Variants in SYT1 observed in about 807,000 individuals in gnomAD.
SYT1 encodes synaptotagmin-1.
Under a neutral mutation model 44.8 loss-of-function variants are expected in SYT1, and 8 were observed. That is an observed-to-expected ratio of 0.18 (90% CI 0.10 to 0.32). The LOEUF is 0.32. Ranked by LOEUF, SYT1 falls within the 10% of genes least tolerant of loss-of-function variation. SYT1 has a pLI of 1.00. For synonymous variants in SYT1, 154 were observed against 188.8 expected (o/e 0.82, Z 1.51); for missense variants, 286 against 509.3 (o/e 0.56, Z 4.22).
chr12:79,226,821 A>G (rs1462040095), intron 4 of SYT1, among the ~76,000 whole-genome samples: 3 of 152,164 alleles, frequency 2.0e-5, no homozygotes, highest in Admixed American at 1.3e-4. Context: ...TCCTGCCTAT[A>G]TAATTGACAT....
chr12:79,139,974 C>G (rs984598899), intron 3 of SYT1, among the ~76,000 whole-genome samples: 4 of 152,088 alleles, frequency 2.6e-5, no homozygotes, highest in Admixed American at 6.6e-5. Context: ...ATAGAAAGTC[C>G]CTGATTTATT....
chr12:79,333,091 T>C (rs962576105), intron 8 of SYT1, among the ~76,000 whole-genome samples: 1 of 152,182 alleles, frequency 6.6e-6, no homozygotes, highest in African/African-American at 2.4e-5. Flanking sequence ...TGGCCATAGT[T>C]ATCATTAGGT....
chr12:79,216,173 C>T (rs1170989280), intron 3 of SYT1, among the ~76,000 whole-genome samples: 1 of 151,822 alleles, frequency 6.6e-6, no homozygotes, highest in Admixed American at 6.6e-5. Flanking sequence ...TCAAGTGATC[C>T]GCCTGCCTCG....
chr12:79,272,591 G>A (rs1169639244), intron 4 of SYT1, among the ~76,000 whole-genome samples: 1 of 152,154 alleles, frequency 6.6e-6, no homozygotes, highest in Non-Finnish European at 1.5e-5. Context: ...GATAAAGGAT[G>A]CACAAAGCAT....
At chr12:78,949,999 C>T (rs543372585) in intron 1 of SYT1, among the ~76,000 whole-genome samples, 249 of 151,900 alleles carry the variant, frequency 1.6e-3, no homozygotes, top group African/African-American at 5.6e-3. Context: ...AATATTTTAG[C>T]ATTTTTCTGT....
In SYT1 at chr12:79,376,698, A is replaced by G. The variant is rs549373056; in HGVS notation, c.928+23079A>G. ...CACACACATCTGACATAAATGGGCA[A>G]TTTTCTAGTTTACATTGCAGTGAGC... On this transcript the variant is annotated intron_variant, in intron 9 of 10. Transcript: ENST00000261205. Among the ~76,000 whole-genome samples, 14 of 152,262 alleles carry G rather than the reference A, an allele frequency of 9.2e-5. 1 individual carries two copies. Among genetic ancestry groups the G allele is most frequent in the East Asian group, 7.7e-4 (4 of 5,188 alleles).
At chr12:79,145,429 C>T (rs1869818130) in intron 3 of SYT1, among the ~76,000 whole-genome samples, 1 of 151,882 alleles carries the variant, frequency 6.6e-6, no homozygotes, top group Non-Finnish European at 1.5e-5. Context: ...TTATTTTTAT[C>T]TGATTCTTTC....
chr12:79,413,337 G>A (rs1335611518), intron 9 of SYT1, among the ~76,000 whole-genome samples: 1 of 152,168 alleles, frequency 6.6e-6, no homozygotes, highest in Admixed American at 6.5e-5. Context: ...CTGTAGAGTG[G>A]CAAGTGAAAA....
intron 3 of SYT1, among the ~76,000 whole-genome samples, chr12:79,163,947 G>C (rs1871099875): frequency 6.6e-6 from 1 of 151,974 alleles, no homozygotes; most frequent in African/African-American, 2.4e-5. Flanking sequence ...CAGGCTGTTG[G>C]TAGGATATTG....
At chr12:78,896,738 A>G (rs1875379831) in intron 1 of SYT1, among the ~76,000 whole-genome samples, 2 of 151,832 alleles carry the variant, frequency 1.3e-5, no homozygotes, top group Admixed American at 1.3e-4. Context: ...ACTACAAAAT[A>G]TGATATATCT....
At chr12:79,253,386 T>G (rs1474805165) in intron 4 of SYT1, among the ~76,000 whole-genome samples, 1 of 152,102 alleles carries the variant, frequency 6.6e-6, no homozygotes, top group Admixed American at 6.5e-5. Context: ...GTTACTATTG[T>G]AATTGGGGGC....
chr12:79,086,514 T>G (rs926561993), intron 3 of SYT1, among the ~76,000 whole-genome samples: 3 of 152,206 alleles, frequency 2.0e-5, no homozygotes, highest in African/African-American at 7.2e-5. Flanking sequence ...AGAAGTTTAG[T>G]ATTCCCTTTT....
chr12:78,951,366 A>T (rs1418308364), intron 1 of SYT1, among the ~76,000 whole-genome samples: 1 of 152,150 alleles, frequency 6.6e-6, no homozygotes, highest in African/African-American at 2.4e-5. Context: ...CAAATTACAC[A>T]TAGAATCAAT....
At chr12:79,347,041 C>CTTTTT (rs59524429) in intron 8 of SYT1, among the ~76,000 whole-genome samples, 1 of 125,944 alleles carries the variant, frequency 7.9e-6, no homozygotes, top group East Asian at 2.3e-4. Context: ...TTTGTTTTTT[C>CTTTTT]TTTTTTTTTT....
chr12:78,924,990 A>G (rs1173973900), intron 1 of SYT1, among the ~76,000 whole-genome samples: 2 of 151,900 alleles, frequency 1.3e-5, no homozygotes, highest in Non-Finnish European at 2.9e-5. Flanking sequence ...GACTTGAAAT[A>G]TTCATGAATG....
chr12:79,038,412 G>A (rs2137706726), intron 2 of SYT1, among the ~76,000 whole-genome samples: 1 of 151,782 alleles, frequency 6.6e-6, no homozygotes, highest in East Asian at 1.9e-4. Context: ...ATCATGCAGT[G>A]AATTTAGTTG....
At chr12:79,026,687 ATATATATATATAT>A (rs1565769720) in intron 2 of SYT1, among the ~76,000 whole-genome samples, 8 of 138,406 alleles carry the variant, frequency 5.8e-5, no homozygotes, top group African/African-American at 1.6e-4. Context: ...ATATATATAT[ATATATATATATAT>A]ATCACACTTT....
Position 79,401,065 on chromosome 12 carries a change from A to G in SYT1, c.929-43008A>G, listed in dbSNP as rs73354798. 6.2e-3 allele frequency among the ~76,000 whole-genome samples: 948 copies of G among 152,326 alleles called. 10 individuals carry two copies. The highest frequency in any genetic ancestry group is 0.022 in the African/African-American group (904 of 41,562). ...TCTATGGCCCATCTGTAAGGTGGAC[A>G]TAATGCTGCCTGGCTAATCTGCCTT... On this transcript the variant is annotated intron_variant, in intron 9 of 10. Coordinates refer to ENST00000261205, the MANE Select transcript of SYT1 (RefSeq NM_005639.3).
At position 79,016,232 on chromosome 12, in the gene SYT1, T is replaced by C. The variant is rs866571376; in HGVS notation, c.-83-31065T>C. On this transcript the variant is annotated intron_variant, in intron 2 of 10. Transcript: ENST00000261205. ...GCATCTGTGTGAGGTAGGACATGTATAGTGAATTTATCACACCTATCTCCA... is the reference window on the plus strand; with the variant it reads ...GCATCTGTGTGAGGTAGGACATGTACAGTGAATTTATCACACCTATCTCCA... Among the ~76,000 whole-genome samples the C allele has an allele frequency of 2.0e-5, 3 of 152,286 alleles. No individual in the cohort carries two copies. In the South Asian group the frequency reaches 6.2e-4, roughly 32 times the overall value.
Sources: allele counts gnomAD v4.1 joint callset (sites outside exome capture counted in the v4.1 genomes callset), GRCh38; gene constraint gnomAD v4.1.1; transcripts MANE v1.5; gene names NCBI Gene and HGNC (gene_info 2026-07-23, HGNC 2026-07-21).